GUCY1A2: variants seen among roughly 807,000 people sequenced by gnomAD.
GUCY1A2 encodes the protein guanylate cyclase soluble subunit alpha-2.
A neutral mutation model predicts 63.5 loss-of-function variants in GUCY1A2; 27 were observed. That is an observed-to-expected ratio of 0.43 (90% CI 0.31 to 0.59). GUCY1A2 has a LOEUF of 0.59. GUCY1A2 is among the 20% of genes least tolerant of loss of function. GUCY1A2 has a pLI of 0.11. For missense variants in GUCY1A2, 768 were observed against 913.3 expected (o/e 0.84, Z 2.05); for synonymous variants, 364 against 343.5 (o/e 1.06, Z -0.66).
intron 6 of GUCY1A2, among the ~76,000 whole-genome samples, chr11:106,714,082 C>A (rs1024834469): frequency 2.7e-5 from 4 of 150,028 alleles, no homozygotes; most frequent in Admixed American, 2.7e-4. Context: ...TTATCTAGTT[C>A]TATTTCTGCC....
In GUCY1A2 at chr11:106,966,390, G is replaced by A. The variant is rs544533933; in HGVS notation, c.487+12229C>T. On this transcript the variant is annotated intron_variant, in intron 3 of 7. Transcript: ENST00000526355. ...CCCAAAGTGCTGGGATTACAGGAAT[G>A]AGCCACCGCGCCCGGCCCCATTGTC... 3.3e-5 allele frequency among the ~76,000 whole-genome samples: 5 copies of A among 152,254 alleles called. No homozygotes were observed. In the South Asian group the frequency reaches 8.3e-4, roughly 25 times the overall value.
intron 7 of GUCY1A2, among the ~76,000 whole-genome samples, chr11:106,704,648 T>A (rs1042773932): frequency 2.6e-5 from 4 of 152,152 alleles, no homozygotes; most frequent in African/African-American, 7.2e-5. Context: ...GTTTAAAGAT[T>A]AAGAAAAATT....
intron 1 of GUCY1A2, among the ~76,000 whole-genome samples, chr11:106,999,167 C>T (rs1861580962): frequency 6.6e-6 from 1 of 152,166 alleles, no homozygotes; most frequent in Non-Finnish European, 1.5e-5. Context: ...AATAATTTTA[C>T]ATTAGGTATT....
intron 6 of GUCY1A2, among the ~76,000 whole-genome samples, chr11:106,768,150 ATCTC>A (rs530307997): frequency 2.6e-5 from 4 of 151,926 alleles, no homozygotes; most frequent in African/African-American, 9.7e-5. Flanking sequence ...ATCAATGTCA[ATCTC>A]TCTCTCTCTT....
chr11:107,014,409 A>C (rs1170388293), intron 1 of GUCY1A2, among the ~76,000 whole-genome samples: 1 of 152,092 alleles, frequency 6.6e-6, no homozygotes, highest in Admixed American at 6.5e-5. Flanking sequence ...TCATATGCCA[A>C]TATGACAGTT....
At chr11:106,756,085 C>G in intron 6 of GUCY1A2, among the ~76,000 whole-genome samples, 1 of 152,138 alleles carries the variant, frequency 6.6e-6, no homozygotes, top group Non-Finnish European at 1.5e-5. Flanking sequence ...TGCATTGATC[C>G]CTTTACCATT....
At chr11:106,968,166 T>C (rs1455249815) in intron 3 of GUCY1A2, among the ~76,000 whole-genome samples, 3 of 152,222 alleles carry the variant, frequency 2.0e-5, no homozygotes, top group Non-Finnish European at 4.4e-5. Context: ...ACTAAAATTA[T>C]CTAGAGAATG....
In GUCY1A2 at chr11:106,939,461, T is replaced by C; in HGVS notation, c.1205A>G (p.Lys402Arg). The part of the protein sequence containing the change: ...PEASGSENKD[K>R]VMEVKGQMIH... ...CCATCTCAAGTCCATAGCACTTACC[T>C]TGTCTTTATTTTCAGAGCCAGAAGC... is the stretch of plus-strand genomic sequence containing the variant. Residue 402 changes from lysine (K) to arginine (R), a missense_variant and splice_region_variant, in exon 4 of 8, where the codon AAG (lysine) becomes AGG (arginine). Lys to Arg is a conservative substitution (Grantham distance 26, BLOSUM62 2). Around this residue, in one of 3 missense-constraint regions of GUCY1A2, gnomAD observed 122 missense variants for 238.1 expected, o/e 0.51. Coordinates refer to ENST00000526355, the MANE Select transcript of GUCY1A2 (RefSeq NM_000855.3). The C allele has an allele frequency of 1.3e-6, 2 of 1,537,410 alleles. No individual in the cohort carries two copies. Among genetic ancestry groups the C allele is most frequent in the Non-Finnish European group, 1.8e-6 (2 of 1,113,490 alleles).
intron 4 of GUCY1A2, among the ~76,000 whole-genome samples, chr11:106,869,773 T>C (rs1414082760): frequency 6.6e-6 from 1 of 152,164 alleles, no homozygotes; most frequent in Non-Finnish European, 1.5e-5. Context: ...CCCAAAGGAA[T>C]ATAAATCATG....
chr11:106,864,470 T>C (rs1253958032), intron 4 of GUCY1A2, among the ~76,000 whole-genome samples: 1 of 152,040 alleles, frequency 6.6e-6, no homozygotes, highest in Non-Finnish European at 1.5e-5. Context: ...ATAGGAGTGG[T>C]GAGAGAGGGC....
intron 4 of GUCY1A2, chr11:106,827,164 T>G (rs1858982417): frequency 6.7e-7 from 1 of 1,494,260 alleles, no homozygotes; most frequent in South Asian, 1.1e-5. Flanking sequence ...TCCTTTAAGA[T>G]TCAAGCCTTC....
At chr11:107,010,741 C>A (rs1432466048) in intron 1 of GUCY1A2, among the ~76,000 whole-genome samples, 1 of 151,562 alleles carries the variant, frequency 6.6e-6, no homozygotes, top group Non-Finnish European at 1.5e-5. Context: ...TTTTTTTTTA[C>A]TTTTTTTGAG....
chr11:107,013,834 T>C (rs561630205), intron 1 of GUCY1A2, among the ~76,000 whole-genome samples: 47 of 152,304 alleles, frequency 3.1e-4, no homozygotes, highest in African/African-American at 1.1e-3. Context: ...GGAGTTCTTA[T>C]GTTTTCCCTT....
intron 4 of GUCY1A2, among the ~76,000 whole-genome samples, chr11:106,936,918 G>A (rs989062308): frequency 6.6e-6 from 1 of 151,802 alleles, no homozygotes; most frequent in Non-Finnish European, 1.5e-5. Context: ...GCTATTATGG[G>A]GAAAATAATG....
chr11:106,941,654 A>G (rs996346884), intron 3 of GUCY1A2, among the ~76,000 whole-genome samples: 2 of 152,222 alleles, frequency 1.3e-5, no homozygotes, highest in African/African-American at 4.8e-5. Context: ...TCCTACCTTT[A>G]TCATTCCCTG....
intron 7 of GUCY1A2, among the ~76,000 whole-genome samples, chr11:106,699,168 C>G (rs1862773979): frequency 6.6e-6 from 1 of 152,128 alleles, no homozygotes; most frequent in Non-Finnish European, 1.5e-5. Flanking sequence ...TTTAGCTAAA[C>G]TGTGGACATC....
intron 4 of GUCY1A2, among the ~76,000 whole-genome samples, chr11:106,892,118 T>C (rs72988335): frequency 0.053 from 8,037 of 152,230 alleles, 322 homozygotes; most frequent in Admixed American, 0.098. Context: ...ATTTTAGGTA[T>C]TGGCATCCTA....
intron 4 of GUCY1A2, 129 bp downstream of exon 4, chr11:106,939,331 C>G (rs1330403452): frequency 1.6e-6 from 1 of 622,586 alleles, no homozygotes; most frequent in Non-Finnish European, 2.9e-6. Context: ...ATCCAGGGAC[C>G]AGTAATCTTC....
intron 4 of GUCY1A2, among the ~76,000 whole-genome samples, chr11:106,844,373 A>G (rs1859243323): frequency 6.6e-6 from 1 of 151,792 alleles, no homozygotes; most frequent in Non-Finnish European, 1.5e-5. Context: ...AATATGTGCA[A>G]TACCTAAGAA....
Sources: gnomAD v4.1 joint callset for allele counts (sites outside exome capture counted in the v4.1 genomes callset) on GRCh38, gnomAD v4.1.1 for gene constraint, gnomAD v4.1.1 regional missense constraint, MANE v1.5 for transcripts, NCBI Gene and HGNC (gene_info 2026-07-23, HGNC 2026-07-21) for gene names.